PLEKHA5: variants seen among roughly 807,000 people sequenced by gnomAD.
PLEKHA5 encodes pleckstrin homology domain containing A5.
A neutral mutation model predicts 181.9 loss-of-function variants in PLEKHA5; 55 were observed. The observed-to-expected ratio is 0.30, with a 90% CI of 0.24 to 0.38. The LOEUF (loss-of-function observed/expected upper bound fraction) is 0.38. PLEKHA5 is among the 10% of genes least tolerant of loss of function. The pLI, the probability that PLEKHA5 is intolerant of heterozygous loss-of-function variation, is 1.00. For missense variants in PLEKHA5, 1,432 were observed against 1,549.5 expected, an observed-to-expected ratio of 0.92 and a Z score of 1.27; for synonymous variants, 535 against 529.4, an observed-to-expected ratio of 1.01 and a Z score of -0.15.
chr12:19,191,848 A>C (rs1017281870), intron 3 of PLEKHA5, among the ~76,000 whole-genome samples: 1 of 152,160 alleles, frequency 6.6e-6, no homozygotes, highest in African/African-American at 2.4e-5. Context: ...TGCGTGACCC[A>C]TGACATGGTG....
intron 15 of PLEKHA5, among the ~76,000 whole-genome samples, chr12:19,300,400 A>C (rs1345081775): frequency 6.6e-6 from 1 of 152,204 alleles, no homozygotes; most frequent in Non-Finnish European, 1.5e-5. Context: ...ATAGTTATAC[A>C]ATTCTATTTT....
chr12:19,346,145 A>G (rs1284477592), intron 23 of PLEKHA5, among the ~76,000 whole-genome samples: 1 of 152,130 alleles, frequency 6.6e-6, no homozygotes, highest in Non-Finnish European at 1.5e-5. Flanking sequence ...ACTTTTTCTA[A>G]TCTAAGTAAT....
rs1201141145 is a variant in PLEKHA5 at position 19,130,406 on chromosome 12, G to T, written c.169+276G>T. Among the ~76,000 whole-genome samples the T allele has an allele frequency of 1.3e-5, 2 of 151,582 alleles. No individual in the cohort carries two copies. The highest frequency in any genetic ancestry group is 2.9e-5 in the Non-Finnish European group (2 of 67,862). On this transcript the variant is annotated intron_variant, in intron 2 of 31. Coordinates refer to ENST00000429027, the MANE Select transcript of PLEKHA5 (RefSeq NM_001256470.2). This position sits in a 1 kb window ranked among gnomAD's most constrained non-coding sequence, Gnocchi z 4.5. ...CTTCTCCCCCCATCCCAGCCTAGAC[G>T]ACCCTCGCGACCCTAGAGTGGCGAC...
chr12:19,183,508 G>A (rs1181469740), intron 3 of PLEKHA5, among the ~76,000 whole-genome samples: 1 of 152,104 alleles, frequency 6.6e-6, no homozygotes, highest in Non-Finnish European at 1.5e-5. Flanking sequence ...CACAGAAACC[G>A]ATAATAATGA....
At chr12:19,367,472 C>G (rs1421489917) in intron 30 of PLEKHA5, among the ~76,000 whole-genome samples, 1 of 151,354 alleles carries the variant, frequency 6.6e-6, no homozygotes, top group Non-Finnish European at 1.5e-5. Flanking sequence ...CCAGGCTGGT[C>G]TTGAACTCCT....
At chr12:19,310,665 C>T (rs2152983746) in intron 15 of PLEKHA5, among the ~76,000 whole-genome samples, 1 of 151,568 alleles carries the variant, frequency 6.6e-6, no homozygotes, top group South Asian at 2.1e-4. Context: ...GCCTATAATC[C>T]CAGCACTTTG....
intron 3 of PLEKHA5, among the ~76,000 whole-genome samples, chr12:19,141,813 G>A (rs996118457): frequency 6.6e-6 from 1 of 152,004 alleles, no homozygotes; most frequent in Non-Finnish European, 1.5e-5. Context: ...GTGAGGCCAG[G>A]GATTCTCTTC....
At chr12:19,222,468 TC>T (rs1180608539) in intron 3 of PLEKHA5, among the ~76,000 whole-genome samples, 2 of 152,094 alleles carry the variant, frequency 1.3e-5, no homozygotes, top group African/African-American at 4.8e-5. Flanking sequence ...CGCCTCACAC[TC>T]ACCATCCCTT....
At chr12:19,328,679 A>G (rs965871388) in intron 20 of PLEKHA5, among the ~76,000 whole-genome samples, 4 of 151,812 alleles carry the variant, frequency 2.6e-5, no homozygotes, top group South Asian at 2.1e-4. Flanking sequence ...ATTTTTGTAC[A>G]TTGATTTTGT....
At chr12:19,253,431 G>A (rs1237017299) in intron 3 of PLEKHA5, among the ~76,000 whole-genome samples, 8 of 151,728 alleles carry the variant, frequency 5.3e-5, no homozygotes, top group African/African-American at 1.9e-4. Flanking sequence ...AGACTGAGAA[G>A]GGATGCATTT....
rs750923063 is a variant in PLEKHA5, at chr12:19,354,143, CTTTTTTTT to C, written c.3138+160_3138+167del. ...TTAGTAATCTTAGTTATTCTTTATT[CTTTTTTTT>C]TTTTTTTTTTTTTTTTTTGAGACGG... On this transcript the variant is annotated intron_variant, in intron 26 of 31. Transcript: ENST00000429027. 3.1e-3 allele frequency: 233 copies of C among 74,848 alleles called. 2 individuals carry two copies. The highest frequency in any genetic ancestry group is 4.5e-3 in the Non-Finnish European group (199 of 44,540). 4.6% of individuals were successfully genotyped at this position (74,848 alleles called of 1,614,324 possible).
At chr12:19,306,561 T>C in intron 15 of PLEKHA5, 4 of 766,130 alleles carry the variant, frequency 5.2e-6, no homozygotes, top group Non-Finnish European at 9.7e-6. Flanking sequence ...AACACTACCA[T>C]CGTCCCCAGC....
intron 26 of PLEKHA5, among the ~76,000 whole-genome samples, chr12:19,356,880 C>T (rs915729313): frequency 6.6e-6 from 1 of 151,776 alleles, no homozygotes; most frequent in Non-Finnish European, 1.5e-5. Flanking sequence ...AGGCTGGTCT[C>T]TAACTCCTGA....
intron 3 of PLEKHA5, among the ~76,000 whole-genome samples, chr12:19,188,347 A>G (rs1591989083): frequency 1.3e-5 from 2 of 152,236 alleles, no homozygotes; most frequent in East Asian, 3.9e-4. Flanking sequence ...CTTTCATCCT[A>G]CCTTAATACA....
intron 2 of PLEKHA5, among the ~76,000 whole-genome samples, chr12:19,132,129 C>T (rs1179764530): frequency 6.6e-6 from 1 of 152,086 alleles, no homozygotes; most frequent in Non-Finnish European, 1.5e-5. Flanking sequence ...GGTGCCAGAA[C>T]ATAGTTCCTC....
At chr12:19,203,838 C>G (rs1282222028) in intron 3 of PLEKHA5, among the ~76,000 whole-genome samples, 3 of 84,718 alleles carry the variant, frequency 3.5e-5, no homozygotes, top group Non-Finnish European at 8.8e-5. Context: ...ACTTAGAGAT[C>G]ACAGTTAGAT....
intron 3 of PLEKHA5, among the ~76,000 whole-genome samples, chr12:19,219,913 T>C (rs1215454291): frequency 6.6e-6 from 1 of 152,158 alleles, no homozygotes; most frequent in African/African-American, 2.4e-5. Flanking sequence ...AGTTAATACT[T>C]TCAAAACAAT....
intron 10 of PLEKHA5, among the ~76,000 whole-genome samples, chr12:19,273,190 T>C (rs1292403032): frequency 1.3e-5 from 2 of 152,160 alleles, no homozygotes; most frequent in Non-Finnish European, 2.9e-5. Flanking sequence ...ATTACAGGCA[T>C]CAGTGGCCAC....
intron 21 of PLEKHA5, among the ~76,000 whole-genome samples, chr12:19,339,828 A>G (rs1592552092): frequency 1.3e-5 from 2 of 152,210 alleles, no homozygotes; most frequent in African/African-American, 2.4e-5. Context: ...CTGCTAGGTT[A>G]TTATGAGGAT....
Sources: allele counts gnomAD v4.1 joint callset (sites outside exome capture counted in the v4.1 genomes callset), GRCh38; gene constraint gnomAD v4.1.1; non-coding constraint Gnocchi (gnomAD v3.1); transcripts MANE v1.5; gene names NCBI Gene and HGNC (gene_info 2026-07-23, HGNC 2026-07-21).